CSMD1: variants seen among roughly 807,000 people sequenced by gnomAD.
The protein encoded by CSMD1 is CUB and Sushi multiple domains 1, also known as CUB and sushi domain-containing protein 1.
Under a neutral mutation model 417.5 loss-of-function variants are expected in CSMD1, and 213 were observed. The ratio of observed to expected loss-of-function variants is 0.51; its 90% confidence interval spans 0.46 to 0.57. The LOEUF is 0.57. CSMD1 is among the 20% of genes least tolerant of loss of function. The pLI is 0.00. For missense variants in CSMD1, 6,923 were observed against 4,529.7 expected, an observed-to-expected ratio of 1.53 and a Z score of -15.17; for synonymous variants, 2,862 against 1,736.8, an observed-to-expected ratio of 1.65 and a Z score of -16.11.
chr8:3,981,511 A>C (rs1408606611), intron 5 of CSMD1, among the ~76,000 whole-genome samples: 1 of 150,830 alleles, frequency 6.6e-6, no homozygotes, highest in African/African-American at 2.4e-5. Flanking sequence ...AAAAAAAAAA[A>C]AAAAAAAAAA....
intron 7 of CSMD1, among the ~76,000 whole-genome samples, chr8:3,637,062 G>A (rs907638692): frequency 6.6e-6 from 1 of 152,092 alleles, no homozygotes; most frequent in East Asian, 1.9e-4. Flanking sequence ...CCAGAATCAG[G>A]ATCCTCATGC....
At chr8:4,043,165 G>T (rs1036235371) in intron 3 of CSMD1, among the ~76,000 whole-genome samples, 1 of 151,950 alleles carries the variant, frequency 6.6e-6, no homozygotes, top group East Asian at 1.9e-4. Context: ...AAAAGCAGCA[G>T]TATAACATCA....
intron 50 of CSMD1, among the ~76,000 whole-genome samples, chr8:3,036,771 C>T (rs1469330681): frequency 6.6e-6 from 1 of 151,760 alleles, no homozygotes; most frequent in South Asian, 2.1e-4. Flanking sequence ...CTTAAAAAAC[C>T]CGTCCACCAA....
At chr8:4,988,111 C>G (rs777041369) in intron 1 of CSMD1, among the ~76,000 whole-genome samples, 5 of 152,174 alleles carry the variant, frequency 3.3e-5, no homozygotes, top group Non-Finnish European at 7.3e-5. Context: ...GTGAAAAAAA[C>G]TGGGAAGAGA....
intron 26 of CSMD1, among the ~76,000 whole-genome samples, chr8:3,255,413 T>G (rs1056146101): frequency 6.6e-6 from 1 of 152,192 alleles, no homozygotes; most frequent in Non-Finnish European, 1.5e-5. Context: ...CAGGGACATT[T>G]CAGTCTGCAC....
In CSMD1 at chr8:4,687,691, A is replaced by G. The variant is rs140011733; in HGVS notation, c.86-50133T>C. On this transcript the variant is annotated intron_variant, in intron 1 of 69. Transcript: ENST00000635120. Reference sequence around the variant, plus strand: ...GAGCTGCCGCTGTTTTTGATCTTTCAAGATAGCTAAACAGAAAGAGTCACC... The same window carrying G: ...GAGCTGCCGCTGTTTTTGATCTTTCGAGATAGCTAAACAGAAAGAGTCACC... Among the ~76,000 whole-genome samples, 289 of 152,264 alleles carry G rather than the reference A, an allele frequency of 1.9e-3. 2 individuals are homozygous for G. Among genetic ancestry groups the G allele is most frequent in the Non-Finnish European group, 3.4e-3 (228 of 68,002 alleles).
intron 1 of CSMD1, among the ~76,000 whole-genome samples, chr8:4,647,668 T>A (rs1332652567): frequency 6.6e-6 from 1 of 152,168 alleles, no homozygotes; most frequent in Non-Finnish European, 1.5e-5. Flanking sequence ...ATGTGGTGTT[T>A]GGTTTTCTGT....
chr8:3,421,636 G>A (rs926845488), intron 12 of CSMD1, among the ~76,000 whole-genome samples: 4 of 152,190 alleles, frequency 2.6e-5, no homozygotes, highest in Non-Finnish European at 4.4e-5. Context: ...AAATTCTACA[G>A]ATGTCTTTTT....
intron 3 of CSMD1, among the ~76,000 whole-genome samples, chr8:4,298,530 T>C (rs924814554): frequency 5.9e-5 from 9 of 152,188 alleles, no homozygotes; most frequent in Admixed American, 5.2e-4. Context: ...CTATATACAA[T>C]GTACACATGT....
chr8:4,528,079 T>C (rs1796611830), intron 2 of CSMD1, among the ~76,000 whole-genome samples: 1 of 152,208 alleles, frequency 6.6e-6, no homozygotes, highest in South Asian at 2.1e-4. Flanking sequence ...TTCAGCAGCA[T>C]ATGCTTCAGA....
At chr8:3,063,436 T>C (rs1030522132) in intron 49 of CSMD1, among the ~76,000 whole-genome samples, 5 of 152,204 alleles carry the variant, frequency 3.3e-5, no homozygotes, top group African/African-American at 1.2e-4. Flanking sequence ...TGATGACCTA[T>C]GGTGGTTCCT....
intron 45 of CSMD1, among the ~76,000 whole-genome samples, 153 bp downstream of exon 45, chr8:3,107,565 T>C (rs945860354): frequency 2.7e-4 from 41 of 149,166 alleles, no homozygotes; most frequent in Non-Finnish European, 1.0e-4. Context: ...GTATAAGTTC[T>C]CAGCAATACT....
chr8:4,255,650 T>G (rs931375757), intron 3 of CSMD1, among the ~76,000 whole-genome samples: 5 of 152,212 alleles, frequency 3.3e-5, no homozygotes, highest in African/African-American at 1.2e-4. Context: ...ATCATTTATT[T>G]TGGACTTTGC....
intron 37 of CSMD1, among the ~76,000 whole-genome samples, chr8:3,169,273 G>A (rs1397884820): frequency 1.3e-5 from 2 of 152,110 alleles, no homozygotes; most frequent in African/African-American, 2.4e-5. Flanking sequence ...CAGGACTTTG[G>A]ATTTGGCATT....
At chr8:4,415,110 G>C (rs934945253) in intron 3 of CSMD1, among the ~76,000 whole-genome samples, 1 of 152,116 alleles carries the variant, frequency 6.6e-6, no homozygotes, top group African/African-American at 2.4e-5. Context: ...TCTATTGCAA[G>C]GATGAAATAA....
chr8:3,887,780 G>C (rs1364721858), intron 5 of CSMD1, among the ~76,000 whole-genome samples: 1 of 152,198 alleles, frequency 6.6e-6, no homozygotes, highest in African/African-American at 2.4e-5. Context: ...AACTGAGTGT[G>C]TGGTATCAGA....
At chr8:4,234,898 G>C (rs533917562) in intron 3 of CSMD1, among the ~76,000 whole-genome samples, 1 of 152,104 alleles carries the variant, frequency 6.6e-6, no homozygotes, top group Non-Finnish European at 1.5e-5. Context: ...ACAAAAAACA[G>C]AAATAGACCT....
chr8:4,312,044 G>C (rs1306712882), intron 3 of CSMD1, among the ~76,000 whole-genome samples: 6 of 152,044 alleles, frequency 3.9e-5, no homozygotes, highest in African/African-American at 1.2e-4. Context: ...TGAAATCATT[G>C]TCATTTCTAG....
intron 2 of CSMD1, among the ~76,000 whole-genome samples, chr8:4,460,338 G>A (rs911854949): frequency 2.0e-5 from 3 of 152,012 alleles, no homozygotes; most frequent in African/African-American, 7.2e-5. Context: ...CTGAAGAATT[G>A]CATAGAGGGA....
Sources: gnomAD v4.1 joint callset for allele counts (sites outside exome capture counted in the v4.1 genomes callset) on GRCh38, gnomAD v4.1.1 for gene constraint, MANE v1.5 for transcripts, NCBI Gene and HGNC (gene_info 2026-07-23, HGNC 2026-07-21) for gene names.